The following AOX1 variants were observed in gnomAD, a reference collection of about 807,000 sequenced individuals.
AOX1 encodes the protein aldehyde oxidase.
AOX1 carries 153 observed loss-of-function variants against 169.5 expected under a neutral mutation model. That is an observed-to-expected ratio of 0.90 (90% CI 0.79 to 1.03). The LOEUF is 1.03. AOX1 is among the 50% of genes least tolerant of loss of function. The pLI is 0.00. For missense variants in AOX1, 1,656 were observed against 1,663.9 expected, an observed-to-expected ratio of 1.00 and a Z score of 0.08; for synonymous variants, 562 against 581.9, an observed-to-expected ratio of 0.97 and a Z score of 0.49.
At chr2:200,591,030 G>A (rs899673336) in intron 1 of AOX1, among the ~76,000 whole-genome samples, 4 of 152,116 alleles carry the variant, frequency 2.6e-5, no homozygotes, top group Non-Finnish European at 4.4e-5. Flanking sequence ...TAACTTCTGT[G>A]TTTTTCTTTA....
At chr2:200,669,803 T>C (rs2035993311) in intron 34 of AOX1, 61 bp downstream of exon 34, 1 of 1,573,868 alleles carries the variant, frequency 6.4e-7, no homozygotes, top group Non-Finnish European at 8.6e-7. Flanking sequence ...TGGCCTCTGT[T>C]CTTGTGGTAA....
downstream of AOX1, among the ~76,000 whole-genome samples, chr2:200,678,797 A>G (rs938059606): frequency 6.6e-6 from 1 of 151,296 alleles, no homozygotes; most frequent in African/African-American, 2.4e-5. Context: ...TCTGTCATGC[A>G]TCATTTCAGT....
chr2:200,655,508 A>G (rs1415967604), intron 26 of AOX1, among the ~76,000 whole-genome samples: 1 of 152,222 alleles, frequency 6.6e-6, no homozygotes, highest in Non-Finnish European at 1.5e-5. Context: ...GGGTGTCATT[A>G]TCATGGCTAC....
chr2:200,615,883 C>A, intron 15 of AOX1, 88 bp from the exon 16 acceptor site: 2 of 933,930 alleles, frequency 2.1e-6, no homozygotes, highest in South Asian at 1.5e-5. Flanking sequence ...AGTAGAGATG[C>A]TTGCTAAGAC....
chr2:200,676,468 C>T (rs1337645643), downstream of AOX1, among the ~76,000 whole-genome samples: 3 of 151,804 alleles, frequency 2.0e-5, no homozygotes, highest in Non-Finnish European at 2.9e-5. Flanking sequence ...GGCCTGGTGG[C>T]GTGTGCCTGT....
chr2:200,654,030 A>G (rs1016236219), intron 26 of AOX1, among the ~76,000 whole-genome samples: 4 of 152,048 alleles, frequency 2.6e-5, no homozygotes, highest in African/African-American at 9.7e-5. Context: ...AGGCCTCCCT[A>G]TTCCCTGAGA....
chr2:200,626,720 C>G (rs1442048897), intron 19 of AOX1, among the ~76,000 whole-genome samples: 1 of 152,218 alleles, frequency 6.6e-6, no homozygotes, highest in East Asian at 1.9e-4. Context: ...ATGAAATGCT[C>G]ATCCCCACAA....
At chr2:200,650,068 A>G (rs1199582866) in intron 25 of AOX1, among the ~76,000 whole-genome samples, 1 of 151,908 alleles carries the variant, frequency 6.6e-6, no homozygotes, top group Non-Finnish European at 1.5e-5. Flanking sequence ...CTTTCACCCA[A>G]CAGTAGCCAC....
intron 22 of AOX1, among the ~76,000 whole-genome samples, chr2:200,637,563 A>G (rs1013505640): frequency 6.6e-6 from 1 of 152,142 alleles, no homozygotes; most frequent in Non-Finnish European, 1.5e-5. Context: ...ACATATATAC[A>G]TATATGTACA....
rs549588165 is a variant in AOX1, at chr2:200,659,278, C to A, written c.3285C>A (p.Asn1095Lys). Residue 1095 changes from asparagine to lysine, a missense_variant, in exon 28 of 35, where the codon AAC becomes AAA. Coordinates refer to ENST00000374700, the MANE Select transcript of AOX1 (RefSeq NM_001159.4). The stretch of plus-strand genomic sequence containing the variant: ...GAGGTTCTGTGGTGGCAGATCTCAA[C>A]GGTTTGGCAGTAAAGGTAACAGTCA... ...ISGGSVVADL[N>K]GLAVKDACQT... The A allele has an allele frequency of 1.9e-6, 3 of 1,612,804 alleles. No individual in the cohort carries two copies. Among genetic ancestry groups the A allele is most frequent in the South Asian group, 2.2e-5 (2 of 90,810 alleles).
At chr2:200,609,662 T>C (rs943464236) in intron 12 of AOX1, among the ~76,000 whole-genome samples, 4 of 152,124 alleles carry the variant, frequency 2.6e-5, no homozygotes, top group African/African-American at 9.7e-5. Flanking sequence ...ACTGGACATG[T>C]TTGTGTTGGT....
intron 3 of AOX1, among the ~76,000 whole-genome samples, chr2:200,596,104 T>C (rs1238405571): frequency 6.6e-6 from 1 of 152,266 alleles, no homozygotes; most frequent in Non-Finnish European, 1.5e-5. Context: ...AATCCAATTA[T>C]GCTAATGTTA....
chr2:200,612,857 CCTTTTTGTGGTGAGATGTG>C, intron 14 of AOX1, 64 bp downstream of exon 14: 1 of 1,361,678 alleles, frequency 7.3e-7, no homozygotes, highest in Non-Finnish European at 1.0e-6. Flanking sequence ...TTAGAGGAGC[CCTTTTTGTGGTGAGATGTG>C]ATTACAAGAA....
intron 20 of AOX1, among the ~76,000 whole-genome samples, chr2:200,631,428 T>A (rs1280377304): frequency 6.6e-6 from 1 of 152,234 alleles, no homozygotes; most frequent in Non-Finnish European, 1.5e-5. Context: ...GAAACTGAGA[T>A]GATTTTCCCC....
At chr2:200,668,838 A>T (rs1348091015) in intron 33 of AOX1, 35 bp downstream of exon 33, 1 of 1,575,708 alleles carries the variant, frequency 6.3e-7, no homozygotes. Flanking sequence ...ATGCATGTTT[A>T]TATGATACCT....
At chr2:200,640,164 G>T (rs1268287877) in intron 23 of AOX1, among the ~76,000 whole-genome samples, 1 of 152,124 alleles carries the variant, frequency 6.6e-6, no homozygotes, top group Non-Finnish European at 1.5e-5. Flanking sequence ...AGGGGAGAGG[G>T]AGAATTAGAA....
intron 25 of AOX1, among the ~76,000 whole-genome samples, chr2:200,643,627 T>G (rs2035399091): frequency 6.6e-6 from 1 of 152,170 alleles, no homozygotes; most frequent in African/African-American, 2.4e-5. Flanking sequence ...CTTTAAGGAA[T>G]CTCCACACTG....
At chr2:200,602,492 T>G (rs1214629108) in intron 6 of AOX1, 147 bp downstream of exon 6, 1 of 718,556 alleles carries the variant, frequency 1.4e-6, no homozygotes, top group Non-Finnish European at 2.3e-6. Flanking sequence ...TTATTTGATC[T>G]TGAGCAGGGC....
intron 25 of AOX1, among the ~76,000 whole-genome samples, chr2:200,643,464 G>A (rs1307351615): frequency 6.6e-6 from 1 of 151,696 alleles, no homozygotes; most frequent in African/African-American, 2.4e-5. Flanking sequence ...TTGATTGGTG[G>A]GCATTTGGGT....
Sources: gnomAD v4.1 joint callset for allele counts (sites outside exome capture counted in the v4.1 genomes callset) on GRCh38, gnomAD v4.1.1 for gene constraint, MANE v1.5 for transcripts, NCBI Gene and HGNC (gene_info 2026-07-23, HGNC 2026-07-21) for gene names.